PTPN21: variants seen among roughly 807,000 people sequenced by gnomAD.
PTPN21 encodes the protein protein tyrosine phosphatase non-receptor type 21.
In PTPN21, 77 loss-of-function variants were observed where a neutral mutation model predicts 131.8. The observed-to-expected ratio is 0.58, with a 90% CI of 0.49 to 0.71. The LOEUF (loss-of-function observed/expected upper bound fraction) is 0.71. Among genes scored for constraint, PTPN21 ranks in the 30% least tolerant of loss-of-function variants. The probability of loss-of-function intolerance (pLI) is 0.00; values close to 1 mark genes in which losing one functional copy is unlikely to be tolerated. For missense variants in PTPN21, 1,552 were observed against 1,527.1 expected, an observed-to-expected ratio of 1.02 and a Z score of -0.27; for synonymous variants, 715 against 621.3, an observed-to-expected ratio of 1.15 and a Z score of -2.24.
intron 10 of PTPN21, chr14:88,493,261 G>A: frequency 3.1e-6 from 1 of 327,580 alleles, no homozygotes; most frequent in African/African-American, 2.2e-5. Flanking sequence ...TGTTATAAAA[G>A]AGGTAGAAAA....
At chr14:88,516,445 G>C (rs2078270650) in intron 3 of PTPN21, among the ~76,000 whole-genome samples, 1 of 152,180 alleles carries the variant, frequency 6.6e-6, no homozygotes. Context: ...GTCAGGTAGT[G>C]ATGGGATTCA....
chr14:88,551,856 C>A (rs1441679256), intron 1 of PTPN21: 1 of 152,366 alleles, frequency 6.6e-6, no homozygotes, highest in Admixed American at 6.5e-5. Flanking sequence ...CAGTTTTTAA[C>A]CAGACCTGTT....
chr14:88,473,911 T>C, intron 13 of PTPN21, 109 bp from the exon 14 acceptor site: 1 of 959,584 alleles, frequency 1.0e-6, no homozygotes, highest in South Asian at 1.8e-5. Flanking sequence ...TGTTCTCCTT[T>C]GCCAATAAAC....
At chr14:88,521,719 T>A (rs896862372) in intron 2 of PTPN21, among the ~76,000 whole-genome samples, 15 of 152,094 alleles carry the variant, frequency 9.9e-5, no homozygotes, top group Admixed American at 7.2e-4. Context: ...CTGTATGTCA[T>A]CATTTTTAAC....
At chr14:88,496,834 T>G (rs1250608114) in intron 9 of PTPN21, among the ~76,000 whole-genome samples, 3 of 152,256 alleles carry the variant, frequency 2.0e-5, no homozygotes, top group Non-Finnish European at 4.4e-5. Flanking sequence ...AACTCAATAT[T>G]GCCTTTGTCA....
chr14:88,504,347 TAAATA>T, intron 6 of PTPN21, 73 bp downstream of exon 6: 1 of 1,149,732 alleles, frequency 8.7e-7, no homozygotes, highest in South Asian at 1.3e-5. Context: ...TCATGTAAAT[TAAATA>T]TTTAATTGAA....
At position 88,479,009 on chromosome 14, in the gene PTPN21, G is replaced by C. The variant is rs1238927894; in HGVS notation, c.2422C>G (p.Arg808Gly). ...TTCTTCAGAGAGTCCCTCCGGGCTC[G>C]GTAGCGGCCTGACGTGGTGAGGTCG... ...ESDLTTSGRY[R>G]ARRDSLKKRP... Residue 808 changes from arginine (R) to glycine (G), a missense_variant, in exon 13 of 19, where the codon CGA becomes GGA. Transcript: ENST00000556564. 4 of 1,602,164 alleles carry C rather than the reference G, an allele frequency of 2.5e-6. No individual in the cohort carries two copies. The South Asian group carries it at 4.5e-5, about 18-fold the overall frequency.
intron 2 of PTPN21, among the ~76,000 whole-genome samples, chr14:88,533,454 C>T (rs562801050): frequency 1.8e-4 from 27 of 152,192 alleles, no homozygotes; most frequent in Non-Finnish European, 3.5e-4. Flanking sequence ...ACAAACCTAT[C>T]GTGCTACCAA....
chr14:88,497,071 G>A (rs2077929316), intron 9 of PTPN21, 132 bp downstream of exon 9: 3 of 822,382 alleles, frequency 3.6e-6, no homozygotes, highest in Non-Finnish European at 5.9e-6. Flanking sequence ...TGATAAAACT[G>A]CATGTTTTAT....
chr14:88,554,305 C>T (rs1013266835), intron 1 of PTPN21, among the ~76,000 whole-genome samples: 2 of 152,176 alleles, frequency 1.3e-5, no homozygotes, highest in African/African-American at 2.4e-5. Flanking sequence ...TCCCTGCGCC[C>T]CTTCTCGCCA....
intron 3 of PTPN21, among the ~76,000 whole-genome samples, chr14:88,511,071 G>C (rs4594187): frequency 0.35 from 52,396 of 151,460 alleles, 9,588 homozygotes; most frequent in African/African-American, 0.48. Flanking sequence ...CACCACCACA[G>C]CTGGCTAAAT....
intron 14 of PTPN21, among the ~76,000 whole-genome samples, chr14:88,472,733 G>A (rs2077490402): frequency 1.3e-5 from 2 of 152,086 alleles, no homozygotes; most frequent in African/African-American, 2.4e-5. Context: ...AGCCAGGTGT[G>A]GTGGTGCATG....
intron 8 of PTPN21, among the ~76,000 whole-genome samples, chr14:88,499,697 A>G (rs902182557): frequency 6.6e-6 from 1 of 152,202 alleles, no homozygotes; most frequent in African/African-American, 2.4e-5. Flanking sequence ...CATGATAAGC[A>G]CTCAACAAAT....
At chr14:88,515,982 T>C (rs2078262475) in intron 3 of PTPN21, among the ~76,000 whole-genome samples, 1 of 152,210 alleles carries the variant, frequency 6.6e-6, no homozygotes, top group South Asian at 2.1e-4. Flanking sequence ...TCCTACTGCT[T>C]TGACTTTCCA....
intron 13 of PTPN21, among the ~76,000 whole-genome samples, chr14:88,476,200 T>C (rs2077544704): frequency 6.6e-6 from 1 of 152,208 alleles, no homozygotes; most frequent in Admixed American, 6.5e-5. Context: ...TTAGGAAATT[T>C]GTTGTAACGA....
intron 12 of PTPN21, among the ~76,000 whole-genome samples, chr14:88,481,432 C>T (rs2077651553): frequency 6.6e-6 from 1 of 152,170 alleles, no homozygotes. Flanking sequence ...ACAGCTCGGG[C>T]CCCTACCCCA....
chr14:88,495,600 G>T lies in PTPN21; in HGVS notation c.932+813C>A, dbSNP rs28557383. 7.5e-3 allele frequency among the ~76,000 whole-genome samples: 1,146 copies of T among 152,280 alleles called. 14 individuals carry two copies. Among genetic ancestry groups the T allele is most frequent in the African/African-American group, 0.026 (1,093 of 41,566 alleles). ...ACTTGAACCGGGGGCTCAGGGGGAG[G>T]ACAGGTCAGGAGAAGCCCCCTAGAC... On this transcript the variant is annotated intron_variant, in intron 10 of 18. Transcript: ENST00000556564.
At chr14:88,542,071 C>A (rs577580766) in intron 2 of PTPN21, among the ~76,000 whole-genome samples, 4 of 152,160 alleles carry the variant, frequency 2.6e-5, no homozygotes, top group Admixed American at 2.0e-4. Flanking sequence ...GGTCAAAGTT[C>A]GAGCAGAAGT....
Position 88,479,467 on chromosome 14 carries a change from C to T in PTPN21, c.1964G>A (p.Arg655His), listed in dbSNP as rs750253856. 1 of 1,602,502 alleles carries T rather than the reference C, an allele frequency of 6.2e-7. No homozygotes were observed. The highest frequency in any genetic ancestry group is 1.1e-5 in the South Asian group (1 of 90,992). Residue 655 changes from arginine to histidine, a missense_variant, in exon 13 of 19, where the codon CGC (arginine) becomes CAC (histidine). Transcript: ENST00000556564. ...CTCTGCCGCCGACGCGGATAGGGTG[C>T]GCTCCTTGAGCCGCAGGCCCTCCAG... is the stretch of plus-strand genomic sequence containing the variant. ...HGLEGLRLKE[R>H]TLSASAAEVA...
Sources: allele counts gnomAD v4.1 joint callset (sites outside exome capture counted in the v4.1 genomes callset), GRCh38; gene constraint gnomAD v4.1.1; transcripts MANE v1.5; gene names NCBI Gene and HGNC (gene_info 2026-07-23, HGNC 2026-07-21).